PUDP: variants seen among roughly 807,000 people sequenced by gnomAD.
PUDP encodes the protein pseudouridine 5'-phosphatase.
PUDP carries 8 observed loss-of-function variants against 9.4 expected under a neutral mutation model. That is an observed-to-expected ratio of 0.85 (90% CI 0.50 to 1.53). PUDP has a LOEUF of 1.53. PUDP is among the 40% of genes most tolerant of loss of function. The pLI is 0.00. For synonymous variants in PUDP, 99 were observed against 80.7 expected (o/e 1.23, Z -1.22); for missense variants, 188 against 189.7 (o/e 0.99, Z 0.05).
At chrX:7,052,262 C>T (rs763201308) in intron 3 of PUDP, among the ~76,000 whole-genome samples, 49 of 111,001 alleles carry the variant, frequency 4.4e-4, no homozygotes, top group Non-Finnish European at 7.9e-4. Flanking sequence ...GTCTCCAACT[C>T]CTGGACTCAA....
At chrX:6,729,583 T>C (rs1409021291) in intron 3 of PUDP, among the ~76,000 whole-genome samples, 1 of 112,143 alleles carries the variant, frequency 8.9e-6, no homozygotes, top group East Asian at 2.8e-4. Context: ...GGATTCTGAG[T>C]TGTGGGATAT....
chrX:6,931,775 C>T (rs892406214), intron 3 of PUDP, among the ~76,000 whole-genome samples: 3 of 111,010 alleles, frequency 2.7e-5, no homozygotes, highest in African/African-American at 9.8e-5. Flanking sequence ...CGGGAGGACG[C>T]AATCCCAAGA....
At chrX:7,040,962 C>T (rs1237568548) in intron 1 of PUDP, among the ~76,000 whole-genome samples, 4 of 111,755 alleles carry the variant, frequency 3.6e-5, no homozygotes, top group Non-Finnish European at 5.6e-5. Flanking sequence ...TGCTGTGCTT[C>T]TTCTTCAAAA....
At chrX:6,754,650 ATATT>A (rs1465227915) in intron 3 of PUDP, among the ~76,000 whole-genome samples, 1 of 109,111 alleles carries the variant, frequency 9.2e-6, no homozygotes, top group Non-Finnish European at 1.9e-5. Context: ...ATTATATATT[ATATT>A]TATTATAGCT....
chrX:7,037,874 G>C (rs1331689471), intron 1 of PUDP, among the ~76,000 whole-genome samples: 1 of 111,267 alleles, frequency 9.0e-6, no homozygotes, highest in Non-Finnish European at 1.9e-5. Flanking sequence ...AAAAGTCACA[G>C]GTATAAGGCA....
chrX:6,991,503 C>A (rs1375603113), intron 1 of PUDP, among the ~76,000 whole-genome samples: 1 of 109,649 alleles, frequency 9.1e-6, no homozygotes, highest in Non-Finnish European at 1.9e-5. Context: ...CAGAGTGAGA[C>A]CCTGTCTCTA....
At chrX:7,004,949 C>G (rs918591692) in intron 1 of PUDP, among the ~76,000 whole-genome samples, 1 of 112,322 alleles carries the variant, frequency 8.9e-6, no homozygotes, top group Non-Finnish European at 1.9e-5. Context: ...ATTCCAGTAT[C>G]TTCCCTAAAG....
intron 1 of PUDP, among the ~76,000 whole-genome samples, chrX:6,978,807 C>A (rs1454031239): frequency 8.9e-6 from 1 of 111,986 alleles, no homozygotes; most frequent in Non-Finnish European, 1.9e-5. Context: ...GAATTGTATT[C>A]TACAATCTTG....
At chrX:7,076,229 G>A (rs902046181) in intron 3 of PUDP, among the ~76,000 whole-genome samples, 1 of 112,171 alleles carries the variant, frequency 8.9e-6, no homozygotes, top group African/African-American at 3.2e-5. Flanking sequence ...TAATTTCCCT[G>A]AGCTCGTGAT....
intron 3 of PUDP, among the ~76,000 whole-genome samples, chrX:6,903,519 G>A (rs1437874225): frequency 9.0e-6 from 1 of 111,443 alleles, no homozygotes; most frequent in Non-Finnish European, 1.9e-5. Context: ...AGTCATAATA[G>A]CAAAGTCACA....
chrX:6,921,726 G>A (rs1163204403), intron 3 of PUDP, among the ~76,000 whole-genome samples: 1 of 108,441 alleles, frequency 9.2e-6, no homozygotes, highest in African/African-American at 3.4e-5. Context: ...CCTCTCTGCC[G>A]ACTACTCCAA....
intron 2 of PUDP, among the ~76,000 whole-genome samples, chrX:7,101,946 C>T (rs1316905937): frequency 9.0e-6 from 1 of 111,283 alleles, no homozygotes; most frequent in Non-Finnish European, 1.9e-5. Flanking sequence ...ACACAACCTA[C>T]CCAAACTGAA....
intron 3 of PUDP, among the ~76,000 whole-genome samples, chrX:6,950,855 A>G (rs1030215302): frequency 8.9e-6 from 1 of 112,266 alleles, no homozygotes; most frequent in Admixed American, 9.4e-5. Flanking sequence ...TCGTCCAATC[A>G]GGTGAAGGCC....
intron 1 of PUDP, among the ~76,000 whole-genome samples, chrX:7,024,246 G>C (rs1929674562): frequency 1.8e-5 from 2 of 111,462 alleles, no homozygotes; most frequent in African/African-American, 6.5e-5. Flanking sequence ...GGTGAGAGTT[G>C]GCATTTCTAT....
chrX:6,816,841 A>G (rs1926248611), intron 3 of PUDP, among the ~76,000 whole-genome samples: 1 of 95,822 alleles, frequency 1.0e-5, no homozygotes, highest in African/African-American at 3.8e-5. Context: ...TATAGTATAT[A>G]CAATATATAC....
intron 1 of PUDP, among the ~76,000 whole-genome samples, chrX:6,720,269 TATATATATATATATATATAC>T (rs1924654766): frequency 1.2e-5 from 1 of 86,150 alleles, no homozygotes; most frequent in African/African-American, 4.5e-5. Context: ...TATATATATA[TATATATATATATATATATAC>T]ACACACACAC....
At chrX:7,115,426 T>C (rs371739637) in intron 1 of PUDP, among the ~76,000 whole-genome samples, 4 of 112,591 alleles carry the variant, frequency 3.6e-5, no homozygotes, top group African/African-American at 1.3e-4. Flanking sequence ...CCTTTTCTTC[T>C]AGTGAAAGCA....
rs191929818 is a variant in PUDP, at chrX:7,090,620, G to A, written c.281-13171C>T. Among the ~76,000 whole-genome samples, 17 of 111,836 alleles carry A rather than the reference G, an allele frequency of 1.5e-4. No individual in the cohort carries two copies. The East Asian group carries it at 4.8e-3, about 31-fold the overall frequency. On this transcript the variant is annotated intron_variant, in intron 2 of 3. Transcript: ENST00000381077. ...ACAACCCAGACAGTATCTGCATTGG[G>A]AATTTCGTACTATTTTCTAAAATGT...
At chrX:6,939,246 A>C (rs1201091455) in intron 3 of PUDP, among the ~76,000 whole-genome samples, 2 of 108,946 alleles carry the variant, frequency 1.8e-5, no homozygotes, top group Non-Finnish European at 3.8e-5. Flanking sequence ...AAACCATAAA[A>C]CCATAGCATT....
Sources: gnomAD v4.1 joint callset for allele counts (sites outside exome capture counted in the v4.1 genomes callset) on GRCh38, gnomAD v4.1.1 for gene constraint, MANE v1.5 for transcripts, NCBI Gene and HGNC (gene_info 2026-07-23, HGNC 2026-07-21) for gene names.